Variants in KCNB2 observed in about 807,000 individuals in gnomAD.
KCNB2 encodes the protein delayed rectifier potassium channel protein.
In KCNB2, 15 loss-of-function variants were observed where a neutral mutation model predicts 61.5. That is an observed-to-expected ratio of 0.24 (90% confidence interval 0.16 to 0.38). KCNB2 has a LOEUF of 0.38. Ranked by LOEUF, KCNB2 falls within the 10% of genes least tolerant of loss-of-function variation. The pLI, the probability that KCNB2 is intolerant of heterozygous loss-of-function variation, is 1.00. For missense variants in KCNB2, 828 were observed against 1,125.2 expected, an observed-to-expected ratio of 0.74 and a Z score of 3.78; for synonymous variants, 457 against 446.0, an observed-to-expected ratio of 1.02 and a Z score of -0.31.
chr8:72,698,308 C>T (rs991305470), intron 2 of KCNB2, among the ~76,000 whole-genome samples: 2 of 151,516 alleles, frequency 1.3e-5, no homozygotes, highest in Non-Finnish European at 2.9e-5. Context: ...ATACATGTAA[C>T]CAAGGAAGAT....
intron 2 of KCNB2, among the ~76,000 whole-genome samples, chr8:72,752,451 A>G (rs1411632068): frequency 2.0e-5 from 3 of 152,174 alleles, no homozygotes; most frequent in Non-Finnish European, 4.4e-5. Context: ...GAATAGAACA[A>G]TATGCAGAGG....
rs567943177 is a variant in KCNB2, at chr8:72,644,766, A to G, written c.579+76453A>G. On this transcript the variant is annotated intron_variant, in intron 2 of 2. Transcript: ENST00000523207. ...CAGGTAGTTACTGAACTGCTCATGT[A>G]CTTTATCTCATTTAGTCCTTGCCGA... Among the ~76,000 whole-genome samples the G allele has an allele frequency of 5.3e-5, 8 of 152,270 alleles. No homozygotes were observed. In the South Asian group the frequency reaches 6.2e-4, roughly 12 times the overall value.
At chr8:72,583,401 A>T (rs1585765699) in intron 2 of KCNB2, among the ~76,000 whole-genome samples, 1 of 152,180 alleles carries the variant, frequency 6.6e-6, no homozygotes, top group South Asian at 2.1e-4. Flanking sequence ...AACCTTCCAC[A>T]TGATATCTGT....
At chr8:72,913,426 A>G (rs1322698957) in intron 2 of KCNB2, among the ~76,000 whole-genome samples, 6 of 152,224 alleles carry the variant, frequency 3.9e-5, no homozygotes, top group Non-Finnish European at 5.9e-5. Flanking sequence ...TCAACTATTT[A>G]TGTAATAACT....
intron 2 of KCNB2, among the ~76,000 whole-genome samples, chr8:72,588,428 G>GC (rs1272472594): frequency 2.0e-5 from 3 of 151,916 alleles, no homozygotes; most frequent in Non-Finnish European, 4.4e-5. Flanking sequence ...TGTTGGTCAG[G>GC]CTGACCTCAG....
intron 1 of KCNB2, among the ~76,000 whole-genome samples, chr8:72,561,777 GGA>G (rs1491365724): frequency 0.37 from 11,128 of 29,710 alleles, 2,786 homozygotes; most frequent in African/African-American, 0.5. Flanking sequence ...ATATATATAT[GGA>G]TATATATATA....
intron 1 of KCNB2, among the ~76,000 whole-genome samples, chr8:72,562,002 A>G (rs1806544413): frequency 6.6e-6 from 1 of 151,436 alleles, no homozygotes; most frequent in Non-Finnish European, 1.5e-5. Context: ...TTCTACAGAA[A>G]CTTACTACTT....
intron 2 of KCNB2, among the ~76,000 whole-genome samples, chr8:72,772,285 G>A (rs1808573937): frequency 6.6e-6 from 1 of 152,192 alleles, no homozygotes; most frequent in African/African-American, 2.4e-5. Flanking sequence ...CTCCATTTTG[G>A]ACCAGATAAT....
intron 2 of KCNB2, among the ~76,000 whole-genome samples, chr8:72,783,951 G>A (rs375650697): frequency 1.4e-4 from 22 of 152,126 alleles, no homozygotes; most frequent in African/African-American, 5.1e-4. Context: ...TTTAAAACCA[G>A]TCCAGCTGCC....
At chr8:72,849,890 GT>G (rs1343332259) in intron 2 of KCNB2, among the ~76,000 whole-genome samples, 4 of 152,056 alleles carry the variant, frequency 2.6e-5, no homozygotes, top group African/African-American at 9.7e-5. Flanking sequence ...GTGCATCCAG[GT>G]AATCAAAGTC....
At chr8:72,736,811 T>G (rs941561571) in intron 2 of KCNB2, among the ~76,000 whole-genome samples, 8 of 152,150 alleles carry the variant, frequency 5.3e-5, no homozygotes, top group Non-Finnish European at 7.4e-5. Flanking sequence ...GAGATTTCTT[T>G]GGGAGCACTC....
intron 2 of KCNB2, among the ~76,000 whole-genome samples, chr8:72,698,478 C>T (rs1807055959): frequency 6.6e-6 from 1 of 152,096 alleles, no homozygotes; most frequent in African/African-American, 2.4e-5. Context: ...TATCAAACTA[C>T]AAACATCATT....
intron 2 of KCNB2, among the ~76,000 whole-genome samples, chr8:72,596,472 A>T (rs1487444196): frequency 2.0e-5 from 3 of 152,170 alleles, no homozygotes; most frequent in Non-Finnish European, 4.4e-5. Context: ...TCTTACTGGG[A>T]TGCTGTGAAG....
At chr8:72,827,416 A>G (rs1003374063) in intron 2 of KCNB2, among the ~76,000 whole-genome samples, 3 of 152,184 alleles carry the variant, frequency 2.0e-5, no homozygotes, top group African/African-American at 7.2e-5. Flanking sequence ...ATTCCAACCA[A>G]AACATTTCCT....
At chr8:72,591,154 C>T (rs1807092915) in intron 2 of KCNB2, among the ~76,000 whole-genome samples, 1 of 152,052 alleles carries the variant, frequency 6.6e-6, no homozygotes, top group South Asian at 2.1e-4. Flanking sequence ...AACTGTAGTA[C>T]CTCCTAAGTG....
chr8:72,668,770 G>A (rs895637774), intron 2 of KCNB2, among the ~76,000 whole-genome samples: 1 of 152,044 alleles, frequency 6.6e-6, no homozygotes, highest in Admixed American at 6.6e-5. Context: ...TTATTTACTT[G>A]TTTATTATTT....
At chr8:72,852,075 A>C (rs1318558210) in intron 2 of KCNB2, among the ~76,000 whole-genome samples, 2 of 39,128 alleles carry the variant, frequency 5.1e-5, no homozygotes, top group Non-Finnish European at 2.3e-4. Flanking sequence ...TTTCTAAAAA[A>C]ATTTAAAAAA....
At chr8:72,598,782 TCA>T (rs1355756801) in intron 2 of KCNB2, among the ~76,000 whole-genome samples, 2 of 152,110 alleles carry the variant, frequency 1.3e-5, no homozygotes, top group Non-Finnish European at 2.9e-5. Flanking sequence ...TGTGCAAAAA[TCA>T]CAAGCATTCT....
At chr8:72,561,135 G>T (rs561260393) in intron 1 of KCNB2, among the ~76,000 whole-genome samples, 50 of 151,774 alleles carry the variant, frequency 3.3e-4, no homozygotes, top group African/African-American at 1.2e-3. Context: ...AAAAAGCATC[G>T]GTTATATCAA....
Sources: gnomAD v4.1 joint callset for allele counts (sites outside exome capture counted in the v4.1 genomes callset) on GRCh38, gnomAD v4.1.1 for gene constraint, MANE v1.5 for transcripts, NCBI Gene and HGNC (gene_info 2026-07-23, HGNC 2026-07-21) for gene names.